Variants in HADHA observed in about 807,000 individuals in gnomAD.
HADHA encodes the protein hydroxyacyl-CoA dehydrogenase trifunctional multienzyme complex subunit alpha, also known as trifunctional enzyme subunit alpha, mitochondrial.
In HADHA, 59 loss-of-function variants were observed where a neutral mutation model predicts 91.3. The ratio of observed to expected loss-of-function variants is 0.65; its 90% CI spans 0.52 to 0.80. The LOEUF (loss-of-function observed/expected upper bound fraction) is 0.80, where lower values mean the gene tolerates loss of function less well. Among genes scored for constraint, HADHA ranks in the 30% least tolerant of loss-of-function variants. HADHA has a pLI of 0.00. For missense variants in HADHA, 800 were observed against 927.6 expected (o/e 0.86, Z 1.79); for synonymous variants, 320 against 338.9 (o/e 0.94, Z 0.61).
At position 26,234,144 on chromosome 2, in the gene HADHA, G is replaced by A. The variant is rs1670691010; in HGVS notation, c.453+73C>T. On this transcript the variant is annotated intron_variant, in intron 5 of 19. Transcript: ENST00000380649. ...GAAACTTTTTCCAGGCAAAGCAGTA[G>A]CCTAAGGGTTTACAGCTGATGAATG... 3.5e-6 allele frequency: 5 copies of A among 1,418,612 alleles called. No homozygotes were observed. In the South Asian group the frequency reaches 5.7e-5, roughly 16 times the overall value. The allele number at this position is 1,418,612 out of a possible 1,614,324, so 87.9% of individuals were successfully genotyped here.
intron 6 of HADHA, among the ~76,000 whole-genome samples, chr2:26,231,883 C>T (rs901816568): frequency 8.6e-5 from 13 of 150,770 alleles, no homozygotes; most frequent in Middle Eastern, 6.8e-3. Flanking sequence ...GCAGGAGAAT[C>T]GCTTGAACCT....
Position 26,194,646 on chromosome 2 carries a change from G to A in HADHA, c.1621-8C>T, listed in dbSNP as rs1458577630. On this transcript the variant is annotated splice_region_variant and splice_polypyrimidine_tract_variant and intron_variant, in intron 15 of 19. Coordinates refer to ENST00000380649, the MANE Select transcript of HADHA (RefSeq NM_000182.5). The stretch of plus-strand genomic sequence containing the variant: ...ATAGAAGCCAGGTCCATCCTGCCAA[G>A]GAAGAGAACATGAGCTCCCTGGCCC... 1.3e-6 allele frequency: 2 copies of A among 1,597,728 alleles called. No individual in the cohort carries two copies. The highest frequency in any genetic ancestry group is 1.7e-6 in the Non-Finnish European group (2 of 1,165,856).
intron 1 of HADHA, among the ~76,000 whole-genome samples, chr2:26,243,586 G>C (rs1670976695): frequency 6.6e-6 from 1 of 151,880 alleles, no homozygotes; most frequent in African/African-American, 2.4e-5. Flanking sequence ...TCAGCTACTT[G>C]TCTAAAAAAA....
intron 7 of HADHA, among the ~76,000 whole-genome samples, chr2:26,225,061 C>A (rs992672554): frequency 6.6e-6 from 1 of 152,086 alleles, no homozygotes; most frequent in Non-Finnish European, 1.5e-5. Context: ...ACCTGAATAG[C>A]CCTATATCTA....
chr2:26,211,010 T>C (rs1236098863), intron 10 of HADHA, among the ~76,000 whole-genome samples: 2 of 152,190 alleles, frequency 1.3e-5, no homozygotes, highest in Non-Finnish European at 2.9e-5. Flanking sequence ...CAAAAGAACA[T>C]AAAATGACAA....
In HADHA at chr2:26,244,479, C is replaced by A. The variant is rs62128457; in HGVS notation, c.67+51G>T. The stretch of plus-strand genomic sequence containing the variant: ...GACGCGGCTCCGGGGCCACCCCAGT[C>A]CCGGCAGGAGTTCTGCCCGGAGGTC... On this transcript the variant is annotated intron_variant, in intron 1 of 19. Coordinates refer to ENST00000380649, the MANE Select transcript of HADHA (RefSeq NM_000182.5). 0.2 allele frequency: 311,253 copies of A among 1,542,746 alleles called. 33,190 individuals are homozygous for A. The highest frequency in any genetic ancestry group is 0.26 in the Middle Eastern group (1,485 of 5,688).
Position 26,212,032 on chromosome 2 carries a change from C to T in HADHA, c.975+538G>A, listed in dbSNP as rs375906578. ...CTGTTCCTGCCCTTCGTAGAGACAA[C>T]CTTATTACTAAAAGTAAGTTCAAAC... is the stretch of plus-strand genomic sequence containing the variant. On this transcript the variant is annotated intron_variant, in intron 10 of 19. Transcript: ENST00000380649. The T allele has an allele frequency of 1.5e-4, 24 of 159,214 alleles. No individual in the cohort carries two copies. The East Asian group carries it at 3.9e-3, about 26-fold the overall frequency. The allele number at this position is 159,214 out of a possible 1,614,324, so 9.9% of individuals were successfully genotyped here. A position where few individuals can be genotyped will look rare whatever the true frequency, so the allele number is the denominator to read the frequency against.
chr2:26,191,357 T>A lies in HADHA; in HGVS notation c.2185A>T (p.Ile729Leu), dbSNP rs1669492430. 1.2e-6 allele frequency: 2 copies of A among 1,614,028 alleles called. No homozygotes were observed. Among genetic ancestry groups the A allele is most frequent in the Non-Finnish European group, 1.7e-6 (2 of 1,180,048 alleles). The part of the protein sequence containing the change: ...RFVDLYGAQK[I>L]VDRLKKYEAA... ...TCATATTTCTTGAGCCGGTCCACTA[T>A]CTTCTGGGCGCCATACAGATCCACA... is the stretch of plus-strand genomic sequence containing the variant. The change falls in exon 20 of 20, where the codon ATA (isoleucine) becomes TTA (leucine). Residue 729 changes from isoleucine to leucine, a missense_variant. Coordinates refer to ENST00000380649, the MANE Select transcript of HADHA (RefSeq NM_000182.5).
Position 26,191,270 on chromosome 2 carries a change from TA to T in HADHA, c.2271del (p.Asn758ThrfsTer18). The stretch of plus-strand genomic sequence containing the variant: ...CCTGCTCACTGGTAGAACTTCTTGT[TA>T]GGGCTGTTAGCATGGTCAGCTAGCA... Reference protein sequence around the residue: ...CQLLADHANSPNKKFYQ With the variant: ...CQLLADHANSXNKKFYQ On this transcript the variant is annotated frameshift_variant, in exon 20 of 20. Coordinates refer to ENST00000380649, the MANE Select transcript of HADHA (RefSeq NM_000182.5). LOFTEE classifies it high-confidence loss of function. The T allele has an allele frequency of 6.2e-7, 1 of 1,612,766 alleles. No homozygotes were observed. The highest frequency in any genetic ancestry group is 8.5e-7 in the Non-Finnish European group (1 of 1,179,992).
chr2:26,226,778 C>A (rs893777685), intron 7 of HADHA, among the ~76,000 whole-genome samples: 7 of 152,116 alleles, frequency 4.6e-5, no homozygotes, highest in Non-Finnish European at 8.8e-5. Context: ...CTTTTTAGAT[C>A]CCACACTAAT....
intron 11 of HADHA, among the ~76,000 whole-genome samples, chr2:26,205,443 C>T (rs990968423): frequency 6.6e-6 from 1 of 151,950 alleles, no homozygotes; most frequent in Non-Finnish European, 1.5e-5. Context: ...TAAGTAATTG[C>T]AGGACAATGA....
At chr2:26,201,788 CTTTT>C (rs112691372) in intron 12 of HADHA, among the ~76,000 whole-genome samples, 3 of 145,158 alleles carry the variant, frequency 2.1e-5, no homozygotes, top group African/African-American at 7.5e-5. Flanking sequence ...TAGTTGTAAT[CTTTT>C]TTTTTTTTTA....
In HADHA at chr2:26,191,578, T is replaced by G. The variant is rs1393373221; in HGVS notation, c.2051A>C (p.Glu684Ala). 14 of 1,613,880 alleles carry G rather than the reference T, an allele frequency of 8.7e-6. No individual in the cohort carries two copies. Among genetic ancestry groups the G allele is most frequent in the Non-Finnish European group, 1.2e-5 (14 of 1,179,748 alleles). Residue 684 changes from glutamate to alanine, a missense_variant, in exon 19 of 20, where the codon GAG (glutamate) becomes GCG (alanine). Coordinates refer to ENST00000380649, the MANE Select transcript of HADHA (RefSeq NM_000182.5). ...CCCCTCTTGCAGGCACATGACTGCCTCATTCACAAATCTTGTCACCAGGCG... is the reference window on the plus strand; with the variant it reads ...CCCCTCTTGCAGGCACATGACTGCCGCATTCACAAATCTTGTCACCAGGCG... ...QFRLVTRFVN[E>A]AVMCLQEGIL...
intron 11 of HADHA, among the ~76,000 whole-genome samples, chr2:26,206,335 C>T (rs77057428): frequency 1.3e-5 from 2 of 151,580 alleles, no homozygotes; most frequent in African/African-American, 4.9e-5. Context: ...TTCAAACGAT[C>T]CTCCTGTCTC....
At chr2:26,195,938 G>T (rs1669659734) in intron 14 of HADHA, among the ~76,000 whole-genome samples, 1 of 152,212 alleles carries the variant, frequency 6.6e-6, no homozygotes, top group South Asian at 2.1e-4. Context: ...TGAGCTAACA[G>T]TTACATAGTC....
At chr2:26,227,282 CA>C (rs1267477133) in intron 7 of HADHA, among the ~76,000 whole-genome samples, 1 of 152,056 alleles carries the variant, frequency 6.6e-6, no homozygotes, top group African/African-American at 2.4e-5. Context: ...GAGGCCAAGG[CA>C]GGGGGATAAC....
chr2:26,197,895 G>C, intron 13 of HADHA, 118 bp from the exon 14 acceptor site: 1 of 733,546 alleles, frequency 1.4e-6, no homozygotes, highest in African/African-American at 1.7e-5. Flanking sequence ...CAACTGCTCA[G>C]ACAGTAGATG....
chr2:26,228,848 A>T (rs1670544808), intron 7 of HADHA, among the ~76,000 whole-genome samples: 1 of 151,982 alleles, frequency 6.6e-6, no homozygotes. Flanking sequence ...ATTGAAAAAA[A>T]AAAATTCTTT....
chr2:26,213,733 C>T (rs1670155786), intron 9 of HADHA, among the ~76,000 whole-genome samples: 1 of 152,172 alleles, frequency 6.6e-6, no homozygotes, highest in African/African-American at 2.4e-5. Context: ...AAAGGCTATC[C>T]ACCTTAACAC....
Sources: gnomAD v4.1 joint callset for allele counts (sites outside exome capture counted in the v4.1 genomes callset) on GRCh38, gnomAD v4.1.1 for gene constraint, MANE v1.5 for transcripts, NCBI Gene and HGNC (gene_info 2026-07-23, HGNC 2026-07-21) for gene names.